Variants in PEX5L observed in about 807,000 individuals in gnomAD.
PEX5L encodes PEX5-related protein.
PEX5L carries 30 observed loss-of-function variants against 84.0 expected under a neutral mutation model. That is an observed-to-expected ratio of 0.36 (90% CI 0.27 to 0.48). The LOEUF (loss-of-function observed/expected upper bound fraction) is 0.48. Among genes scored for constraint, PEX5L ranks in the 20% least tolerant of loss-of-function variants. PEX5L has a pLI of 0.99. For missense variants in PEX5L, 533 were observed against 754.6 expected (o/e 0.71, Z 3.44); for synonymous variants, 270 against 283.1 (o/e 0.95, Z 0.46).
intron 2 of PEX5L, among the ~76,000 whole-genome samples, chr3:179,942,457 C>A (rs565842692): frequency 6.6e-6 from 1 of 152,244 alleles, no homozygotes; most frequent in Non-Finnish European, 1.5e-5. Flanking sequence ...CCTGTGACCG[C>A]GCCCGCTGCG....
intron 2 of PEX5L, among the ~76,000 whole-genome samples, chr3:179,962,426 T>C (rs916096612): frequency 9.2e-5 from 14 of 152,230 alleles, no homozygotes; most frequent in African/African-American, 3.4e-4. Flanking sequence ...TAACTTATTT[T>C]GATTATAACA....
chr3:179,911,093 G>T (rs1197000996), intron 2 of PEX5L, among the ~76,000 whole-genome samples: 1 of 152,166 alleles, frequency 6.6e-6, no homozygotes, highest in Non-Finnish European at 1.5e-5. Flanking sequence ...TGGTTTTGAA[G>T]CCAGTGTCTG....
chr3:179,822,789 T>C (rs1728980203), intron 8 of PEX5L, among the ~76,000 whole-genome samples: 1 of 152,200 alleles, frequency 6.6e-6, no homozygotes, highest in African/African-American at 2.4e-5. Context: ...TTATTTGCCA[T>C]CCATATCCAT....
Position 179,894,813 on chromosome 3 carries a change from T to G in PEX5L, c.198+3329A>C, listed in dbSNP as rs146442860. 4.8e-3 allele frequency among the ~76,000 whole-genome samples: 734 copies of G among 152,172 alleles called. 10 individuals carry two copies. The highest frequency in any genetic ancestry group is 0.03 in the East Asian group (157 of 5,182). ...ACAAGAAGAGACCTGCAACACAGTT[T>G]TAAGACACTGTGTTCAACAGGCAAA... is the stretch of plus-strand genomic sequence containing the variant. On this transcript the variant is annotated intron_variant, in intron 3 of 14. Coordinates refer to ENST00000467460, the MANE Select transcript of PEX5L (RefSeq NM_016559.3).
chr3:179,843,142 A>AG (rs1394351277), intron 8 of PEX5L, among the ~76,000 whole-genome samples: 1 of 152,236 alleles, frequency 6.6e-6, no homozygotes, highest in Non-Finnish European at 1.5e-5. Flanking sequence ...TACTAAAAAA[A>AG]GAACTGATAC....
intron 3 of PEX5L, among the ~76,000 whole-genome samples, chr3:179,894,435 C>T (rs1201647831): frequency 6.6e-6 from 1 of 152,050 alleles, no homozygotes; most frequent in African/African-American, 2.4e-5. Context: ...TGATAACTTT[C>T]AACTCTTTGA....
At chr3:179,926,963 G>A (rs1000782128) in intron 2 of PEX5L, among the ~76,000 whole-genome samples, 3 of 152,012 alleles carry the variant, frequency 2.0e-5, no homozygotes, top group African/African-American at 7.2e-5. Flanking sequence ...GGCAGATCCG[G>A]GTCTCAGTTT....
chr3:179,936,050 A>C (rs987033468), intron 2 of PEX5L, among the ~76,000 whole-genome samples: 15 of 152,170 alleles, frequency 9.9e-5, no homozygotes, highest in Non-Finnish European at 7.3e-5. Context: ...TTCTTTATAA[A>C]TTATCCAGTC....
intron 7 of PEX5L, among the ~76,000 whole-genome samples, chr3:179,867,437 C>T (rs1327471550): frequency 1.3e-5 from 2 of 152,030 alleles, no homozygotes; most frequent in African/African-American, 2.4e-5. Flanking sequence ...TGGAAGTGGT[C>T]TTTCAGATTT....
chr3:179,815,909 G>A lies in PEX5L; in HGVS notation c.1035C>T (p.Thr345=). 1.2e-6 allele frequency: 2 copies of A among 1,614,122 alleles called. No homozygotes were observed. Among genetic ancestry groups the A allele is most frequent in the Admixed American group, 3.3e-5 (2 of 60,018 alleles). Residue 345 remains threonine (T), a synonymous_variant, in exon 10 of 15, where the codon ACC becomes ACT. Coordinates refer to ENST00000467460, the MANE Select transcript of PEX5L (RefSeq NM_016559.3). ...GAATTGCTGCTTCCATGAACAGGAT[G>A]GTGACTGGCAGATCCCCTTCCTTCA... ...KRLKEGDLPV[T]ILFMEAAILQ...
At chr3:179,837,373 A>G (rs1358255500) in intron 8 of PEX5L, among the ~76,000 whole-genome samples, 1 of 152,212 alleles carries the variant, frequency 6.6e-6, no homozygotes, top group East Asian at 1.9e-4. Flanking sequence ...CATTGGAACA[A>G]GACTCCTCAT....
intron 2 of PEX5L, chr3:179,900,878 G>C: frequency 1.6e-6 from 1 of 608,504 alleles, no homozygotes; most frequent in Non-Finnish European, 2.9e-6. Context: ...GGGAAGGTCT[G>C]CCACAATGAC....
chr3:179,871,579 A>G (rs1164947140), intron 7 of PEX5L, among the ~76,000 whole-genome samples: 3 of 152,254 alleles, frequency 2.0e-5, no homozygotes, highest in Admixed American at 6.5e-5. Flanking sequence ...ATAGTGAACC[A>G]TAACCTAAAT....
chr3:179,880,011 G>A lies in PEX5L; in HGVS notation c.423C>T (p.Ala141=), dbSNP rs369195857. 1.1e-5 allele frequency: 18 copies of A among 1,613,754 alleles called. No individual in the cohort carries two copies. Among genetic ancestry groups the A allele is most frequent in the Middle Eastern group, 1.6e-4 (1 of 6,084 alleles). ...CCGTGCTGATGAGGTCAGATCCATC[G>A]GCCTTTTTCTTGAGGGATGAGGTTT... is the stretch of plus-strand genomic sequence containing the variant. ...SSKTSSLKKK[A]DGSDLISTDA... is the part of the protein sequence containing the mutation. Residue 141 remains alanine, a synonymous_variant, in exon 5 of 15, where the codon GCC becomes GCT. Coordinates refer to ENST00000467460, the MANE Select transcript of PEX5L (RefSeq NM_016559.3).
At chr3:179,850,674 G>A (rs1419660119) in intron 8 of PEX5L, among the ~76,000 whole-genome samples, 3 of 152,090 alleles carry the variant, frequency 2.0e-5, no homozygotes, top group African/African-American at 7.2e-5. Flanking sequence ...CAATCTTTAG[G>A]AAATCTCTAT....
chr3:179,844,217 A>G (rs1329434513), intron 8 of PEX5L, among the ~76,000 whole-genome samples: 1 of 152,198 alleles, frequency 6.6e-6, no homozygotes, highest in Non-Finnish European at 1.5e-5. Flanking sequence ...GAAGGATGCA[A>G]AGCCGTTATT....
intron 1 of PEX5L, among the ~76,000 whole-genome samples, chr3:179,972,991 T>C (rs927979090): frequency 7.2e-5 from 11 of 152,178 alleles, no homozygotes; most frequent in Non-Finnish European, 1.0e-4. Context: ...CATTTCAAGA[T>C]TGATGGAAAA....
intron 1 of PEX5L, among the ~76,000 whole-genome samples, chr3:179,978,201 T>C (rs1369295179): frequency 6.6e-6 from 1 of 152,196 alleles, no homozygotes; most frequent in Non-Finnish European, 1.5e-5. Flanking sequence ...TCCCCCTTAA[T>C]GCTGGTTTTT....
Position 179,852,979 on chromosome 3 carries a change from T to C in PEX5L, c.822+6083A>G, listed in dbSNP as rs1477315446. Among the ~76,000 whole-genome samples, 3 of 152,320 alleles carry C rather than the reference T, an allele frequency of 2.0e-5. No homozygotes were observed. In the East Asian group the frequency reaches 5.8e-4, roughly 29 times the overall value. ...ATAGATGCATTAAAATAATAAATTGTTAATTTGTTCATTTATTTATCCAGT... is the reference window on the plus strand; with the variant it reads ...ATAGATGCATTAAAATAATAAATTGCTAATTTGTTCATTTATTTATCCAGT... On this transcript the variant is annotated intron_variant, in intron 8 of 14. Transcript: ENST00000467460.
Sources: allele counts gnomAD v4.1 joint callset (sites outside exome capture counted in the v4.1 genomes callset), GRCh38; gene constraint gnomAD v4.1.1; transcripts MANE v1.5; gene names NCBI Gene and HGNC (gene_info 2026-07-23, HGNC 2026-07-21).